The following H2BC18 variants were observed in gnomAD, a reference collection of about 807,000 sequenced individuals.
H2BC18 encodes histone H2B type 2-F.
H2BC18 carries 8 observed loss-of-function variants against 6.3 expected under a neutral mutation model. The observed-to-expected ratio is 1.28, with a 90% CI of 0.75 to 2.31. The LOEUF is 2.31. H2BC18 is among the 30% of genes most tolerant of loss of function. The pLI is 0.00. For synonymous variants in H2BC18, 104 were observed against 78.1 expected, an observed-to-expected ratio of 1.33 and a Z score of -1.75; for missense variants, 106 against 174.5, an observed-to-expected ratio of 0.61 and a Z score of 2.21.
downstream of H2BC18, among the ~76,000 whole-genome samples, chr1:149,810,241 TACTG>T (rs1441170107): frequency 5.3e-5 from 8 of 152,002 alleles, no homozygotes; most frequent in South Asian, 1.4e-3. Context: ...CCGTCTCACT[TACTG>T]AGTAACCTTT....
downstream of H2BC18, among the ~76,000 whole-genome samples, chr1:149,807,841 G>GAGAA (rs2091936685): frequency 6.6e-6 from 1 of 152,086 alleles, no homozygotes; most frequent in African/African-American, 2.4e-5. Context: ...GAGAGAGAAA[G>GAGAA]AGAGAAAAGA....
chr1:149,795,522 AC>A (rs1454441472), intron 1 of H2BC18, among the ~76,000 whole-genome samples: 1 of 116,800 alleles, frequency 8.6e-6, no homozygotes, highest in African/African-American at 3.5e-5. Flanking sequence ...GGCTCCAGAC[AC>A]CCCTCCCTTC....
intron 1 of H2BC18, among the ~76,000 whole-genome samples, chr1:149,790,701 C>A (rs1407463212): frequency 1.3e-5 from 2 of 150,362 alleles, no homozygotes; most frequent in Non-Finnish European, 3.0e-5. Context: ...TGCCTCCCTC[C>A]TCCTCACCAA....
intron 1 of H2BC18, among the ~76,000 whole-genome samples, chr1:149,802,469 G>A (rs587672105): frequency 6.6e-6 from 1 of 152,150 alleles, no homozygotes; most frequent in South Asian, 2.1e-4. Context: ...AGTAGTTTAA[G>A]ACTTAACCCT....
intron 1 of H2BC18, among the ~76,000 whole-genome samples, chr1:149,806,065 G>A (rs2091914241): frequency 6.6e-6 from 1 of 151,952 alleles, no homozygotes; most frequent in Admixed American, 6.6e-5. Context: ...CTTTTTTAGG[G>A]CACAAACTAG....
intron 1 of H2BC18, chr1:149,805,589 C>CATT: frequency 6.6e-6 from 1 of 152,256 alleles, no homozygotes; most frequent in Admixed American, 6.5e-5. Context: ...CAAACTCAAT[C>CATT]ATTTCTTGTT....
Position 149,788,163 on chromosome 1 carries a change from C to T in H2BC18, c.378-4903G>A, listed in dbSNP as rs1212847352. 2.6e-5 allele frequency: 21 copies of T among 805,878 alleles called. No individual in the cohort carries two copies. In the Admixed American group the frequency reaches 5.8e-4, roughly 22 times the overall value. The allele number at this position is 805,878 out of a possible 1,614,324, so 49.9% of individuals were successfully genotyped here. A position where few individuals can be genotyped will look rare whatever the true frequency, so the allele number is the denominator to read the frequency against. On this transcript the variant is annotated intron_variant, in intron 1 of 1. Coordinates refer to the H2BC18 transcript ENST00000545683. ...TCTGGAAAGGGAAGATAAGAAAGGG[C>T]TGTGTACGCAGTTGCCAGTAAAGAT...
In H2BC18 at chr1:149,811,921, C is replaced by T. The variant is rs1443275862; in HGVS notation, c.*22G>A. 3 of 1,596,126 alleles carry T rather than the reference C, an allele frequency of 1.9e-6. No homozygotes were observed. Among genetic ancestry groups the T allele is most frequent in the East Asian group, 2.2e-5 (1 of 44,782 alleles). On this transcript the variant is annotated 3_prime_UTR_variant, in exon 1 of 1. Transcript: ENST00000369167. Reference sequence around the variant, plus strand: ...GAGCCTTTGGGGTTAGGTGGTTGATCTATTGCGTCCCTTGCACACTCTTAC... The same window carrying T: ...GAGCCTTTGGGGTTAGGTGGTTGATTTATTGCGTCCCTTGCACACTCTTAC...
intron 1 of H2BC18, chr1:149,788,435 C>A: frequency 6.2e-7 from 1 of 1,613,720 alleles, no homozygotes; most frequent in South Asian, 1.1e-5. Flanking sequence ...AGGTGTCATG[C>A]GTGGAAGGAT....
At position 149,812,327 on chromosome 1, in the gene H2BC18, T is replaced by C. The variant is rs1436463345; in HGVS notation, c.-4A>G. On this transcript the variant is annotated 5_prime_UTR_variant, in exon 1 of 1. Transcript: ENST00000369167. ...CGGATTTCGCTGGATCCGGCATTTT[T>C]GCGCGAAAAAAGAGAAAAGAGACTT... 3 of 1,613,714 alleles carry C rather than the reference T, an allele frequency of 1.9e-6. No individual in the cohort carries two copies. The highest frequency in any genetic ancestry group is 4.5e-5 in the East Asian group (2 of 44,896).
In H2BC18 at chr1:149,812,017, G is replaced by A. The variant is rs201612388; in HGVS notation, c.307C>T (p.Leu103=). 5.6e-4 allele frequency: 905 copies of A among 1,614,190 alleles called. 8 individuals carry two copies. In the East Asian group the frequency reaches 0.016, roughly 29 times the overall value. ...GCGTGCTTGGCCAGCTCGCCGGGCA[G>A]CAGCAGGCGCACGGCCGTCTGGATC... The part of the protein sequence containing the change: ...REIQTAVRLL[L]PGELAKHAVS... The change falls in exon 1 of 1, where the codon CTG becomes TTG. Residue 103 remains leucine, a synonymous_variant. Transcript: ENST00000369167.
At chr1:149,809,200 A>G (rs1380505847), downstream of H2BC18, among the ~76,000 whole-genome samples, 3 of 120,748 alleles carry the variant, frequency 2.5e-5, no homozygotes, top group Non-Finnish European at 5.1e-5. Flanking sequence ...TCTGGAATGC[A>G]CCTCTCTTCT....
chr1:149,791,298 G>C (rs1346007587), intron 1 of H2BC18: 1 of 1,602,598 alleles, frequency 6.2e-7, no homozygotes, highest in South Asian at 1.1e-5. Context: ...TGGGAATAAT[G>C]TTTTTAGTGA....
At position 149,812,294 on chromosome 1, in the gene H2BC18, A is replaced by C; in HGVS notation, c.30T>G (p.Ala10=). Residue 10 remains alanine, a synonymous_variant, in exon 1 of 1, where the codon GCT becomes GCG. Transcript: ENST00000369167. ...CAGCCTTTTTGGAGCCCTTCTTGGGAGCAGGAGCGGATTTCGCTGGATCCG... is the reference window on the plus strand; with the variant it reads ...CAGCCTTTTTGGAGCCCTTCTTGGGCGCAGGAGCGGATTTCGCTGGATCCG... MPDPAKSAP[A]PKKGSKKAVT... 6.2e-7 allele frequency: 1 copy of C among 1,614,168 alleles called. No homozygotes were observed. The highest frequency in any genetic ancestry group is 8.5e-7 in the Non-Finnish European group (1 of 1,180,012).
At chr1:149,786,700 C>G (rs1190208291) in intron 1 of H2BC18, 1 of 152,034 alleles carries the variant, frequency 6.6e-6, no homozygotes, top group Non-Finnish European at 1.5e-5. Flanking sequence ...AGCTGCATCT[C>G]GTGAGTTTTG....
downstream of H2BC18, among the ~76,000 whole-genome samples, chr1:149,810,228 CG>C (rs2091958562): frequency 6.6e-6 from 1 of 151,976 alleles, no homozygotes; most frequent in Non-Finnish European, 1.5e-5. Flanking sequence ...TAGACCACCT[CG>C]GCCGTCTCAC....
intron 1 of H2BC18, among the ~76,000 whole-genome samples, chr1:149,789,421 G>C (rs12069190): frequency 6.9e-6 from 1 of 144,862 alleles, no homozygotes; most frequent in Non-Finnish European, 1.5e-5. Context: ...TAATAATAAT[G>C]ATGATAATAA....
intron 1 of H2BC18, chr1:149,804,044 T>C (rs2091895869): frequency 6.6e-6 from 1 of 152,234 alleles, no homozygotes; most frequent in Admixed American, 6.5e-5. Context: ...AATTTCTATT[T>C]AAACATTTCC....
chr1:149,790,808 CA>C (rs1444943007), intron 1 of H2BC18, among the ~76,000 whole-genome samples: 11 of 151,142 alleles, frequency 7.3e-5, no homozygotes, highest in Admixed American at 6.6e-4. Flanking sequence ...AAGGAGCTCA[CA>C]AGGTGGATTT....
Sources: gnomAD v4.1 joint callset for allele counts (sites outside exome capture counted in the v4.1 genomes callset) on GRCh38, gnomAD v4.1.1 for gene constraint, MANE v1.5 for transcripts, NCBI Gene and HGNC (gene_info 2026-07-23, HGNC 2026-07-21) for gene names.